Variants in SUGCT observed in about 807,000 individuals in gnomAD.
SUGCT encodes the protein succinyl-CoA:glutarate-CoA transferase, also known as succinyl-CoA:glutarate CoA-transferase.
Under a neutral mutation model 55.0 loss-of-function variants are expected in SUGCT, and 41 were observed. The ratio of observed to expected loss-of-function variants is 0.74; its 90% confidence interval spans 0.58 to 0.97. The LOEUF is 0.97. Among genes scored for constraint, SUGCT ranks in the 50% least tolerant of loss-of-function variants. The pLI, the probability that SUGCT is intolerant of heterozygous loss-of-function variation, is 0.00. For missense variants in SUGCT, 568 were observed against 547.8 expected, an observed-to-expected ratio of 1.04 and a Z score of -0.37; for synonymous variants, 187 against 200.4, an observed-to-expected ratio of 0.93 and a Z score of 0.56.
intron 12 of SUGCT, among the ~76,000 whole-genome samples, chr7:40,576,061 C>T (rs762534633): frequency 7.3e-5 from 11 of 151,612 alleles, no homozygotes; most frequent in South Asian, 2.1e-4. Context: ...TATAATTCAC[C>T]GTTGCTCATG....
intron 11 of SUGCT, among the ~76,000 whole-genome samples, chr7:40,489,263 G>T (rs1791551841): frequency 6.7e-6 from 1 of 150,036 alleles, no homozygotes; most frequent in South Asian, 2.1e-4. Flanking sequence ...TTTTTTTGGG[G>T]TGGGGTTCAC....
chr7:40,873,421 A>T, the SUGCT span, among the ~76,000 whole-genome samples: 2 of 152,150 alleles, frequency 1.3e-5, no homozygotes, highest in Non-Finnish European at 1.5e-5. Context: ...TGGCAACCAG[A>T]CTTCTGCACT....
chr7:40,785,899 G>A (rs1469234056), intron 13 of SUGCT, among the ~76,000 whole-genome samples: 19 of 152,088 alleles, frequency 1.2e-4, no homozygotes, highest in Admixed American at 1.2e-3. Context: ...ACCGGCCTGG[G>A]CAACATAGTG....
At chr7:40,190,587 G>A (rs188732725) in intron 5 of SUGCT, among the ~76,000 whole-genome samples, 18 of 152,252 alleles carry the variant, frequency 1.2e-4, no homozygotes, top group Non-Finnish European at 2.2e-4. Flanking sequence ...TTAGAATTGA[G>A]TTAGTCTTTG....
intron 13 of SUGCT, among the ~76,000 whole-genome samples, chr7:40,801,747 C>A (rs1462340944): frequency 2.0e-5 from 3 of 151,710 alleles, no homozygotes; most frequent in Admixed American, 2.0e-4. Context: ...TGTTTATATA[C>A]CTTGGACATA....
At chr7:40,594,583 C>T (rs187066014) in intron 12 of SUGCT, among the ~76,000 whole-genome samples, 4 of 152,268 alleles carry the variant, frequency 2.6e-5, no homozygotes, top group Admixed American at 2.6e-4. Context: ...AATGAGGAGT[C>T]TGAGTCAAAC....
At chr7:40,676,430 T>C (rs972208636) in intron 12 of SUGCT, among the ~76,000 whole-genome samples, 1 of 151,932 alleles carries the variant, frequency 6.6e-6, no homozygotes, top group Admixed American at 6.6e-5. Context: ...AGATCCTGCA[T>C]AATGTTTACT....
At chr7:40,189,649 G>A in intron 5 of SUGCT, 55 bp downstream of exon 5, 2 of 979,934 alleles carry the variant, frequency 2.0e-6, no homozygotes, top group South Asian at 2.2e-5. Flanking sequence ...TTAGGGTTTG[G>A]AATATCAGAG....
intron 12 of SUGCT, among the ~76,000 whole-genome samples, chr7:40,739,549 A>T (rs924477323): frequency 2.0e-5 from 3 of 151,966 alleles, no homozygotes; most frequent in African/African-American, 7.2e-5. Flanking sequence ...ACCATTTTCC[A>T]TTTAAATCTA....
chr7:40,240,400 T>G (rs996997043), intron 7 of SUGCT, among the ~76,000 whole-genome samples: 34 of 152,178 alleles, frequency 2.2e-4, no homozygotes, highest in African/African-American at 7.9e-4. Context: ...GGAGAATCAC[T>G]TGAACCTGGG....
chr7:40,644,569 G>A (rs1019611129), intron 12 of SUGCT, among the ~76,000 whole-genome samples: 3 of 152,336 alleles, frequency 2.0e-5, no homozygotes, highest in Admixed American at 1.3e-4. Context: ...CATGCAGGGT[G>A]TTCAGCCCAG....
At chr7:40,607,490 C>A (rs1400982108) in intron 12 of SUGCT, among the ~76,000 whole-genome samples, 2 of 152,140 alleles carry the variant, frequency 1.3e-5, no homozygotes, top group Non-Finnish European at 2.9e-5. Context: ...ATGGCCAACC[C>A]AGTATTTCCC....
intron 13 of SUGCT, among the ~76,000 whole-genome samples, chr7:40,763,227 T>C (rs1562988168): frequency 6.6e-6 from 1 of 152,244 alleles, no homozygotes; most frequent in East Asian, 1.9e-4. Flanking sequence ...CGCTAACACT[T>C]AGTGAGCCTG....
chr7:40,271,361 GCT>G (rs2150988964), intron 7 of SUGCT, among the ~76,000 whole-genome samples: 1 of 152,162 alleles, frequency 6.6e-6, no homozygotes, highest in South Asian at 2.1e-4. Context: ...CAACTCCTGA[GCT>G]TAAGTGGCCC....
intron 12 of SUGCT, among the ~76,000 whole-genome samples, chr7:40,555,376 T>C (rs1424586396): frequency 6.6e-6 from 1 of 152,106 alleles, no homozygotes; most frequent in Non-Finnish European, 1.5e-5. Flanking sequence ...AAGGCTGCTC[T>C]TTGGATGACT....
At chr7:40,913,186 A>T in the SUGCT span, among the ~76,000 whole-genome samples, 2 of 151,788 alleles carry the variant, frequency 1.3e-5, no homozygotes, top group Admixed American at 1.3e-4. Context: ...AATTTTTTGT[A>T]CTTTTAGTAG....
At chr7:40,324,261 A>ATATATATATATATATATATATATTTATT (rs377215730) in intron 9 of SUGCT, among the ~76,000 whole-genome samples, 68 of 99,878 alleles carry the variant, frequency 6.8e-4, no homozygotes, top group South Asian at 1.5e-3. Flanking sequence ...AAATATATAT[A>ATATATATATATATATATATATATTTATT]TATTTATTTT....
chr7:40,311,253 A>G (rs966325007), intron 8 of SUGCT, among the ~76,000 whole-genome samples: 10 of 152,116 alleles, frequency 6.6e-5, no homozygotes, highest in African/African-American at 2.4e-4. Context: ...TTCCATGTCT[A>G]CTGCTACCAA....
At chr7:40,567,271 C>T (rs1024841327) in intron 12 of SUGCT, among the ~76,000 whole-genome samples, 1 of 152,238 alleles carries the variant, frequency 6.6e-6, no homozygotes, top group African/African-American at 2.4e-5. Context: ...TTAACTCTTT[C>T]AGCCTTTGAC....
Sources: gnomAD v4.1 joint callset for allele counts (sites outside exome capture counted in the v4.1 genomes callset) on GRCh38, gnomAD v4.1.1 for gene constraint, MANE v1.5 for transcripts, NCBI Gene and HGNC (gene_info 2026-07-23, HGNC 2026-07-21) for gene names.